The following KSR1 variants were observed in gnomAD, a reference collection of about 807,000 sequenced individuals.
The protein encoded by KSR1 is kinase suppressor of ras.
A neutral mutation model predicts 92.9 loss-of-function variants in KSR1; 35 were observed. That is an observed-to-expected ratio of 0.38 (90% confidence interval 0.29 to 0.50). The LOEUF is 0.50. KSR1 is among the 20% of genes least tolerant of loss of function. The probability of loss-of-function intolerance (pLI) is 0.94; values close to 1 mark genes in which losing one functional copy is unlikely to be tolerated. For missense variants in KSR1, 972 were observed against 1,158.5 expected (o/e 0.84, Z 2.34); for synonymous variants, 467 against 472.6 (o/e 0.99, Z 0.15).
chr17:27,593,150 A>T (rs1196861927), intron 9 of KSR1, among the ~76,000 whole-genome samples: 4 of 152,192 alleles, frequency 2.6e-5, no homozygotes, highest in Non-Finnish European at 5.9e-5. Context: ...TAATACAAAG[A>T]GTGCATTTCC....
intron 2 of KSR1, among the ~76,000 whole-genome samples, chr17:27,555,499 A>G (rs2071556958): frequency 7.6e-6 from 1 of 130,916 alleles, no homozygotes; most frequent in Admixed American, 8.1e-5. Context: ...CCCATCCTTC[A>G]GTTTTGTTTG....
chr17:27,564,325 A>G (rs1386256284), intron 2 of KSR1, among the ~76,000 whole-genome samples: 1 of 152,220 alleles, frequency 6.6e-6, no homozygotes, highest in African/African-American at 2.4e-5. Context: ...TGGGATGGAT[A>G]GATGGACAAA....
intron 1 of KSR1, among the ~76,000 whole-genome samples, chr17:27,516,518 CCCT>C (rs1411908380): frequency 2.6e-5 from 4 of 151,792 alleles, no homozygotes; most frequent in African/African-American, 7.3e-5. Context: ...GTCTCCCTCC[CCCT>C]CCTCCTCCTC....
At chr17:27,549,919 C>G (rs1460532502) in intron 1 of KSR1, among the ~76,000 whole-genome samples, 3 of 152,132 alleles carry the variant, frequency 2.0e-5, no homozygotes, top group Non-Finnish European at 2.9e-5. Context: ...CCCTTGGATC[C>G]CAACCCAGGC....
intron 3 of KSR1, chr17:27,578,608 T>G (rs745758587): frequency 1.3e-5 from 2 of 152,272 alleles, no homozygotes; most frequent in Non-Finnish European, 2.9e-5. Context: ...AGCCAGAATT[T>G]GAACCTTGGG....
intron 1 of KSR1, among the ~76,000 whole-genome samples, chr17:27,489,150 C>G (rs551214807): frequency 6.6e-6 from 1 of 152,306 alleles, no homozygotes; most frequent in South Asian, 2.1e-4. Context: ...GATGCCATGC[C>G]TCTCTGGAAG....
At chr17:27,609,614 G>A (rs1332522872) in intron 16 of KSR1, among the ~76,000 whole-genome samples, 1 of 152,244 alleles carries the variant, frequency 6.6e-6, no homozygotes, top group Non-Finnish European at 1.5e-5. Context: ...ATGAGGAAGA[G>A]TGTCAAATTT....
intron 10 of KSR1, among the ~76,000 whole-genome samples, chr17:27,598,109 G>A (rs1047061721): frequency 6.6e-6 from 1 of 152,146 alleles, no homozygotes; most frequent in Non-Finnish European, 1.5e-5. Context: ...GCTGGCCTGG[G>A]GGTGTCTGCC....
In KSR1 at chr17:27,550,585, C is replaced by T; in HGVS notation, c.249C>T (p.Tyr83=). The T allele has an allele frequency of 2.6e-6, 2 of 764,984 alleles. No homozygotes were observed. The highest frequency in any genetic ancestry group is 4.8e-6 in the Non-Finnish European group (2 of 417,780). The allele number at this position is 764,984 out of a possible 1,614,324, so 47.4% of individuals were successfully genotyped here. A position where few individuals can be genotyped will look rare whatever the true frequency, so the allele number is the denominator to read the frequency against. The part of the protein sequence containing the change: ...IRTLEAKLVR[Y]ICKQRQCKLS... Reference sequence around the variant, plus strand: ...TTCTGCAGGCGAAGCTGGTCCGTTACATTTGTAAGCAGAGGCAGTGCAAGC... The same window carrying T: ...TTCTGCAGGCGAAGCTGGTCCGTTATATTTGTAAGCAGAGGCAGTGCAAGC... Residue 83 remains tyrosine, a synonymous_variant, in exon 2 of 21, where the codon TAC becomes TAT. Coordinates refer to ENST00000644974, the MANE Select transcript of KSR1 (RefSeq NM_001394583.1).
intron 1 of KSR1, among the ~76,000 whole-genome samples, chr17:27,461,344 G>A (rs747832508): frequency 2.0e-5 from 3 of 152,174 alleles, no homozygotes; most frequent in Non-Finnish European, 4.4e-5. Flanking sequence ...GCCTCCCAAA[G>A]TGCTGGGATT....
At chr17:27,482,966 G>A (rs973587714) in intron 1 of KSR1, among the ~76,000 whole-genome samples, 3 of 152,136 alleles carry the variant, frequency 2.0e-5, no homozygotes, top group Non-Finnish European at 4.4e-5. Context: ...TATTTTGGCT[G>A]GATTTTCAGT....
intron 5 of KSR1, among the ~76,000 whole-genome samples, chr17:27,586,778 G>A (rs2072983951): frequency 6.6e-6 from 1 of 152,228 alleles, no homozygotes; most frequent in East Asian, 1.9e-4. Flanking sequence ...AGTTGGTGCA[G>A]ATCATAAGGT....
intron 2 of KSR1, among the ~76,000 whole-genome samples, chr17:27,557,063 C>T (rs952354508): frequency 6.6e-6 from 1 of 152,166 alleles, no homozygotes; most frequent in East Asian, 1.9e-4. Flanking sequence ...AAAGGGACTT[C>T]CCTTTGTCAA....
chr17:27,617,255 CAG>C, intron 18 of KSR1, 38 bp from the exon 19 acceptor site: 2 of 1,577,280 alleles, frequency 1.3e-6, no homozygotes, highest in Non-Finnish European at 8.7e-7. Flanking sequence ...CCCTCCCTCC[CAG>C]CCAGCTCACA....
intron 6 of KSR1, among the ~76,000 whole-genome samples, chr17:27,590,222 A>G (rs1657317330): frequency 6.6e-6 from 1 of 152,116 alleles, no homozygotes; most frequent in African/African-American, 2.4e-5. Flanking sequence ...TTTTTCCTGT[A>G]CTTGAACTTC....
intron 1 of KSR1, among the ~76,000 whole-genome samples, chr17:27,543,530 G>A (rs990692313): frequency 6.6e-6 from 1 of 152,134 alleles, no homozygotes; most frequent in African/African-American, 2.4e-5. Context: ...CTTCTCCTTG[G>A]CACAGTATCT....
intron 20 of KSR1, among the ~76,000 whole-genome samples, chr17:27,621,703 C>A (rs1331441834): frequency 6.6e-6 from 1 of 152,202 alleles, no homozygotes; most frequent in Non-Finnish European, 1.5e-5. Flanking sequence ...CGTGCTGCAA[C>A]TGTGCCCTGC....
At chr17:27,511,565 G>A (rs896273460) in intron 1 of KSR1, among the ~76,000 whole-genome samples, 1 of 152,224 alleles carries the variant, frequency 6.6e-6, no homozygotes, top group South Asian at 2.1e-4. Flanking sequence ...GTTGGGCCAA[G>A]TTTCCTGCAG....
intron 6 of KSR1, among the ~76,000 whole-genome samples, chr17:27,590,557 C>T (rs2073129691): frequency 6.6e-6 from 1 of 152,220 alleles, no homozygotes; most frequent in Admixed American, 6.5e-5. Flanking sequence ...TTGATTGCTG[C>T]TGCCAAATTG....
Sources: allele counts gnomAD v4.1 joint callset (sites outside exome capture counted in the v4.1 genomes callset), GRCh38; gene constraint gnomAD v4.1.1; transcripts MANE v1.5; gene names NCBI Gene and HGNC (gene_info 2026-07-23, HGNC 2026-07-21).